ANKRD27: variants seen among roughly 807,000 people sequenced by gnomAD.
The protein encoded by ANKRD27 is ankyrin repeat domain 27.
Under a neutral mutation model 129.7 loss-of-function variants are expected in ANKRD27, and 112 were observed. The ratio of observed to expected loss-of-function variants is 0.86; its 90% CI spans 0.74 to 1.01. The LOEUF (loss-of-function observed/expected upper bound fraction) is 1.01. ANKRD27 is among the 50% of genes least tolerant of loss of function. ANKRD27 has a pLI of 0.00. For synonymous variants in ANKRD27, 516 were observed against 511.2 expected (o/e 1.01, Z -0.13); for missense variants, 1,258 against 1,300.5 (o/e 0.97, Z 0.50).
At chr19:32,617,787 T>G (rs1040775981) in intron 20 of ANKRD27, among the ~76,000 whole-genome samples, 154 bp from the exon 21 acceptor site, 2 of 150,072 alleles carry the variant, frequency 1.3e-5, no homozygotes, top group Non-Finnish European at 3.0e-5. Flanking sequence ...GGAGTTTCGC[T>G]CTTATTGCTC....
chr19:32,627,933 T>C (rs958688933), intron 15 of ANKRD27, 150 bp downstream of exon 15: 7 of 711,798 alleles, frequency 9.8e-6, no homozygotes, highest in Non-Finnish European at 1.7e-5. Context: ...TTTGCTCCTC[T>C]TCTCCTTCCG....
intron 2 of ANKRD27, among the ~76,000 whole-genome samples, chr19:32,653,050 G>A (rs1801759556): frequency 6.6e-6 from 1 of 152,146 alleles, no homozygotes; most frequent in African/African-American, 2.4e-5. Context: ...AACTGCCCAC[G>A]CTGCCTTCTG....
intron 2 of ANKRD27, among the ~76,000 whole-genome samples, chr19:32,653,095 C>A (rs1172681754): frequency 6.6e-6 from 1 of 152,222 alleles, no homozygotes. Flanking sequence ...ATGGCCTGTT[C>A]TGGAATTCCC....
chr19:32,607,105 C>CCCACG lies in ANKRD27; in HGVS notation c.2373+525_2373+529dup, dbSNP rs556384190. On this transcript the variant is annotated intron_variant, in intron 23 of 28. Transcript: ENST00000306065. ...TGAGCTGAGATTGCACCACTGCACT[C>CCCACG]CCACGCTCCAGCCTGGGAGACAGAG... is the stretch of plus-strand genomic sequence containing the variant. 1.1e-3 allele frequency among the ~76,000 whole-genome samples: 156 copies of CCCACG among 148,530 alleles called. 1 individual carries two copies. Among genetic ancestry groups the CCCACG allele is most frequent in the African/African-American group, 3.5e-3 (143 of 40,286 alleles).
chr19:32,632,340 C>A lies in ANKRD27; in HGVS notation c.1117-846G>T, dbSNP rs896778962. On this transcript the variant is annotated intron_variant, in intron 12 of 28. Transcript: ENST00000306065. ...GTGGCTCATGCCTGTAACCCCAGCA[C>A]TTTGAGGGGCCGAGGCGCGTGGATC... Among the ~76,000 whole-genome samples, 7 of 151,640 alleles carry A rather than the reference C, an allele frequency of 4.6e-5. No homozygotes were observed. In the South Asian group the frequency reaches 1.3e-3, roughly 27 times the overall value.
intron 3 of ANKRD27, among the ~76,000 whole-genome samples, chr19:32,647,008 T>C (rs181181272): frequency 1.3e-4 from 20 of 152,224 alleles, no homozygotes; most frequent in Admixed American, 9.8e-4. Flanking sequence ...GTATTTTTAG[T>C]AGAGACACAG....
intron 4 of ANKRD27, 69 bp from the exon 5 acceptor site, chr19:32,644,548 A>G: frequency 6.4e-7 from 1 of 1,558,000 alleles, no homozygotes; most frequent in Non-Finnish European, 8.7e-7. Context: ...CCTATCCTAC[A>G]GGGCCTAGGC....
At chr19:32,651,677 AG>A (rs1276162656) in intron 2 of ANKRD27, among the ~76,000 whole-genome samples, 3 of 152,036 alleles carry the variant, frequency 2.0e-5, no homozygotes, top group Non-Finnish European at 2.9e-5. Context: ...GCCTCGAAGC[AG>A]GAACTTCTAA....
At chr19:32,617,455 G>T in intron 21 of ANKRD27, 134 bp downstream of exon 21, 1 of 482,604 alleles carries the variant, frequency 2.1e-6, no homozygotes, top group South Asian at 3.7e-5. Flanking sequence ...GCTGAGGCAA[G>T]AGGATTGCTT....
chr19:32,602,097 C>T lies in ANKRD27; in HGVS notation c.2685G>A (p.Val895=), dbSNP rs369469738. ...QNSKIMELLQ[V]VPSCVASLDD... is the part of the protein sequence containing the mutation. Reference sequence around the variant, plus strand: ...CTAATGAAGCAACACAGCTTGGTACCACCTGAAGCAATTCCATTATTTTTG... The same window carrying T: ...CTAATGAAGCAACACAGCTTGGTACTACCTGAAGCAATTCCATTATTTTTG... The change falls in exon 26 of 29, where the codon GTG becomes GTA. Residue 895 remains valine, a synonymous_variant. Coordinates refer to ENST00000306065, the MANE Select transcript of ANKRD27 (RefSeq NM_032139.3). The T allele has an allele frequency of 5.1e-4, 824 of 1,613,314 alleles. 5 individuals are homozygous for T. The South Asian group carries it at 8.6e-3, about 17-fold the overall frequency.
In ANKRD27 at chr19:32,616,921, A is replaced by T. The variant is rs781692036; in HGVS notation, c.2052+668T>A. 1.2e-3 allele frequency among the ~76,000 whole-genome samples: 188 copies of T among 152,186 alleles called. 2 individuals carry two copies. The highest frequency in any genetic ancestry group is 9.8e-4 in the Admixed American group (15 of 15,276). ...TCTCCCCAAGACGCTGCCCTCTCTTAAAACCAAGCTGCCCTCCTTGCACAC... is the reference window on the plus strand; with the variant it reads ...TCTCCCCAAGACGCTGCCCTCTCTTTAAACCAAGCTGCCCTCCTTGCACAC... On this transcript the variant is annotated intron_variant, in intron 21 of 28. Coordinates refer to ENST00000306065, the MANE Select transcript of ANKRD27 (RefSeq NM_032139.3).
intron 1 of ANKRD27, among the ~76,000 whole-genome samples, chr19:32,662,840 T>G (rs756852679): frequency 3.3e-5 from 5 of 151,838 alleles, no homozygotes; most frequent in Non-Finnish European, 7.4e-5. Flanking sequence ...GTCAGGAGTT[T>G]GAGACCAGCC....
intron 2 of ANKRD27, among the ~76,000 whole-genome samples, chr19:32,650,306 C>CT (rs1338395755): frequency 6.6e-6 from 1 of 152,204 alleles, no homozygotes; most frequent in Non-Finnish European, 1.5e-5. Flanking sequence ...AATCGTAGCA[C>CT]TTTGAGAGGC....
At chr19:32,636,883 G>A (rs908205779) in intron 12 of ANKRD27, among the ~76,000 whole-genome samples, 2 of 152,008 alleles carry the variant, frequency 1.3e-5, no homozygotes, top group African/African-American at 4.8e-5. Flanking sequence ...AAGTAGCTGG[G>A]ATTACAGGCA....
intron 1 of ANKRD27, among the ~76,000 whole-genome samples, chr19:32,674,421 C>A (rs1967937901): frequency 6.6e-6 from 1 of 152,184 alleles, no homozygotes; most frequent in Non-Finnish European, 1.5e-5. Flanking sequence ...GTCCCCTGCA[C>A]CTCGTGGGGC....
At position 32,601,925 on chromosome 19, in the gene ANKRD27, T is replaced by A. The variant is rs551165981; in HGVS notation, c.2767+90A>T. ...TCCAGGCATGATTATAATTACACTT[T>A]ACATATACAATTAAATGAACACCAG... On this transcript the variant is annotated intron_variant, in intron 26 of 28. Coordinates refer to ENST00000306065, the MANE Select transcript of ANKRD27 (RefSeq NM_032139.3). 3 of 794,780 alleles carry A rather than the reference T, an allele frequency of 3.8e-6. No homozygotes were observed. The South Asian group carries it at 4.8e-5, about 13-fold the overall frequency. The allele number at this position is 794,780 out of a possible 1,614,324, so 49.2% of individuals were successfully genotyped here.
chr19:32,627,884 G>A (rs746644768), intron 15 of ANKRD27, among the ~76,000 whole-genome samples, 199 bp downstream of exon 15: 15 of 152,346 alleles, frequency 9.8e-5, no homozygotes, highest in East Asian at 3.9e-4. Flanking sequence ...CTCAGCCAGC[G>A]CAGGAGGCAG....
In ANKRD27 at chr19:32,633,094, C is replaced by T. The variant is rs553524685; in HGVS notation, c.1117-1600G>A. 1.2e-4 allele frequency among the ~76,000 whole-genome samples: 19 copies of T among 152,190 alleles called. No homozygotes were observed. The South Asian group carries it at 3.9e-3, about 32-fold the overall frequency. ...TCACACATTGTTATCCGGGTAAATC[C>T]AGCACTCTTTCCGCAACTCTGGTTA... On this transcript the variant is annotated intron_variant, in intron 12 of 28. Transcript: ENST00000306065.
At chr19:32,617,149 C>A (rs749499434) in intron 21 of ANKRD27, among the ~76,000 whole-genome samples, 7 of 152,182 alleles carry the variant, frequency 4.6e-5, no homozygotes, top group Non-Finnish European at 8.8e-5. Flanking sequence ...AACATAGCGC[C>A]CTCTGCACAA....
Sources: allele counts gnomAD v4.1 joint callset (sites outside exome capture counted in the v4.1 genomes callset), GRCh38; gene constraint gnomAD v4.1.1; transcripts MANE v1.5; gene names NCBI Gene and HGNC (gene_info 2026-07-23, HGNC 2026-07-21).